The following STX2 variants were observed in gnomAD, a reference collection of about 807,000 sequenced individuals.
The protein encoded by STX2 is syntaxin-2.
In STX2, 27 loss-of-function variants were observed where a neutral mutation model predicts 40.6. The observed-to-expected ratio is 0.66, with a 90% CI of 0.49 to 0.92. STX2 has a LOEUF of 0.92. Among genes scored for constraint, STX2 ranks in the 40% least tolerant of loss-of-function variants. The pLI is 0.00. For synonymous variants in STX2, 123 were observed against 119.1 expected (o/e 1.03, Z -0.22); for missense variants, 328 against 366.1 (o/e 0.90, Z 0.85).
chr12:130,838,664 G>A (rs1336380722), intron 1 of STX2, among the ~76,000 whole-genome samples: 1 of 152,194 alleles, frequency 6.6e-6, no homozygotes, highest in African/African-American at 2.4e-5. Context: ...GACCCCGTGG[G>A]GCGGACCACA....
intron 2 of STX2, 57 bp from the exon 3 acceptor site, chr12:130,821,845 C>T: frequency 9.0e-7 from 1 of 1,115,250 alleles, no homozygotes; most frequent in South Asian, 1.3e-5. Context: ...GACCACTTTT[C>T]ATCCCCTAAA....
intron 9 of STX2, among the ~76,000 whole-genome samples, chr12:130,796,576 T>C (rs1384743792): frequency 6.6e-6 from 1 of 152,242 alleles, no homozygotes; most frequent in East Asian, 1.9e-4. Context: ...GTTGGGCGAC[T>C]TCTTGAGAGA....
chr12:130,828,879 A>AG (rs1565935981), intron 1 of STX2, among the ~76,000 whole-genome samples: 1 of 149,392 alleles, frequency 6.7e-6, no homozygotes, highest in Non-Finnish European at 1.5e-5. Flanking sequence ...AAAAAAAAAA[A>AG]AAGAAAAGAA....
rs559737059 is a variant in STX2, at chr12:130,791,770, C to T, written c.*253G>A. 1 of 792,962 alleles carries T rather than the reference C, an allele frequency of 1.3e-6. No homozygotes were observed. Among genetic ancestry groups the T allele is most frequent in the Admixed American group, 2.5e-5 (1 of 40,644 alleles). 49.1% of individuals were successfully genotyped at this position (792,962 alleles called of 1,614,324 possible). Reference sequence around the variant, plus strand: ...TTCGGTTGTGCTTCTTCCGTGAACTCATACATTACAAGGTCAGCACTCGAT... The same window carrying T: ...TTCGGTTGTGCTTCTTCCGTGAACTTATACATTACAAGGTCAGCACTCGAT... On this transcript the variant is annotated 3_prime_UTR_variant, in exon 11 of 11. Transcript: ENST00000392373.
chr12:130,833,610 C>G (rs2136363370), intron 1 of STX2, among the ~76,000 whole-genome samples: 1 of 152,226 alleles, frequency 6.6e-6, no homozygotes, highest in African/African-American at 2.4e-5. Flanking sequence ...GAGGTTTCCC[C>G]CTGTTGGCCA....
At chr12:130,836,254 T>C (rs1442296607) in intron 1 of STX2, among the ~76,000 whole-genome samples, 2 of 152,214 alleles carry the variant, frequency 1.3e-5, no homozygotes, top group Non-Finnish European at 2.9e-5. Context: ...TATTTTATAC[T>C]AGGGAGAAGG....
chr12:130,800,111 T>C (rs991409621), intron 8 of STX2, among the ~76,000 whole-genome samples: 2 of 152,122 alleles, frequency 1.3e-5, no homozygotes, highest in African/African-American at 4.8e-5. Flanking sequence ...CACCTGGTGG[T>C]CAGCTGAATC....
intron 8 of STX2, among the ~76,000 whole-genome samples, chr12:130,799,571 G>A (rs1294117505): frequency 2.6e-5 from 4 of 152,050 alleles, no homozygotes; most frequent in Non-Finnish European, 5.9e-5. Context: ...GAATGGCAAC[G>A]GGGCCCCCAA....
In STX2 at chr12:130,791,790, C is replaced by T; in HGVS notation, c.*233G>A. 2 of 980,670 alleles carry T rather than the reference C, an allele frequency of 2.0e-6. No individual in the cohort carries two copies. Among genetic ancestry groups the T allele is most frequent in the African/African-American group, 1.6e-5 (1 of 61,820 alleles). The allele number at this position is 980,670 out of a possible 1,614,324, so 60.7% of individuals were successfully genotyped here. ...GAACTCATACATTACAAGGTCAGCA[C>T]TCGATGCCGGGTTACAGCGTCTGAG... On this transcript the variant is annotated 3_prime_UTR_variant, in exon 11 of 11. Transcript: ENST00000392373.
chr12:130,810,398 G>C (rs1276170015), intron 4 of STX2, among the ~76,000 whole-genome samples: 2 of 152,144 alleles, frequency 1.3e-5, no homozygotes, highest in African/African-American at 4.8e-5. Context: ...CACTGAAAAA[G>C]CCTAGGAAAG....
chr12:130,821,858 G>A, intron 2 of STX2, 70 bp from the exon 3 acceptor site: 1 of 919,980 alleles, frequency 1.1e-6, no homozygotes, highest in East Asian at 2.5e-5. Flanking sequence ...CCCCTAAAAG[G>A]GGAAGAATAA....
chr12:130,810,795 A>G (rs1334357610), intron 4 of STX2: 1 of 152,140 alleles, frequency 6.6e-6, no homozygotes, highest in Admixed American at 6.5e-5. Context: ...TGAAAATTAT[A>G]CCAGAGAGAG....
At chr12:130,828,390 GCTTTT>G (rs1313187408) in intron 1 of STX2, among the ~76,000 whole-genome samples, 1 of 112,480 alleles carries the variant, frequency 8.9e-6, no homozygotes, top group Non-Finnish European at 1.8e-5. Context: ...ACCACACCCG[GCTTTT>G]TTTTTTTTTT....
chr12:130,824,925 G>A (rs1207621050), intron 2 of STX2, among the ~76,000 whole-genome samples: 4 of 152,102 alleles, frequency 2.6e-5, no homozygotes, highest in Non-Finnish European at 5.9e-5. Context: ...TAAAGTACGA[G>A]TAACCTGTTT....
At chr12:130,805,635 A>C (rs4759787) in intron 6 of STX2, among the ~76,000 whole-genome samples, 74,762 of 152,106 alleles carry the variant, frequency 0.49, 20,488 homozygotes, top group East Asian at 0.88. Context: ...GAAGGGTCTT[A>C]CCTCAGGAGT....
intron 1 of STX2, among the ~76,000 whole-genome samples, chr12:130,833,157 C>T (rs111386324): frequency 2.6e-5 from 4 of 152,092 alleles, no homozygotes; most frequent in Non-Finnish European, 4.4e-5. Context: ...GGTCAACAAA[C>T]GAGTGAATGA....
chr12:130,828,182 AC>A (rs1952398421), intron 1 of STX2, among the ~76,000 whole-genome samples: 1 of 152,094 alleles, frequency 6.6e-6, no homozygotes. Flanking sequence ...TAATATATAA[AC>A]CAATAAAGGC....
intron 1 of STX2, among the ~76,000 whole-genome samples, chr12:130,831,156 G>A (rs1460135143): frequency 6.6e-6 from 1 of 152,216 alleles, no homozygotes; most frequent in East Asian, 1.9e-4. Context: ...ACAAATGGCA[G>A]AATCCAAAGC....
At chr12:130,821,275 C>T (rs1327983384) in intron 3 of STX2, among the ~76,000 whole-genome samples, 1 of 152,246 alleles carries the variant, frequency 6.6e-6, no homozygotes, top group East Asian at 1.9e-4. Flanking sequence ...CTCCTCAAGA[C>T]TTTCAGAGTC....
Sources: allele counts gnomAD v4.1 joint callset (sites outside exome capture counted in the v4.1 genomes callset), GRCh38; gene constraint gnomAD v4.1.1; transcripts MANE v1.5; gene names NCBI Gene and HGNC (gene_info 2026-07-23, HGNC 2026-07-21).